Variants in KANTR observed in about 807,000 individuals in gnomAD.
KANTR encodes the protein KDM5C adjacent transcript.
At chrX:53,129,849 A>AATTTATTTATTTATTTATTTATTT (rs59141550), downstream of KANTR, among the ~76,000 whole-genome samples, 3 of 99,011 alleles carry the variant, frequency 3.0e-5, no homozygotes, top group African/African-American at 1.1e-4. Flanking sequence ...TCTCCTTACA[A>AATTTATTTATTTATTTATTTATTT]ATTTATTTAT....
intron 2 of KANTR, among the ~76,000 whole-genome samples, chrX:53,136,505 T>C (rs1421250428): frequency 1.0e-5 from 1 of 96,007 alleles, no homozygotes. Context: ...CCCAAAGTGC[T>C]GGGATTACAG....
At chrX:53,100,527 C>T (rs908705231) in intron 2 of KANTR, among the ~76,000 whole-genome samples, 10 of 108,227 alleles carry the variant, frequency 9.2e-5, no homozygotes, top group African/African-American at 3.4e-4. Context: ...TGGCCGGGTG[C>T]GGTGGCTCAC....
intron 2 of KANTR, among the ~76,000 whole-genome samples, chrX:53,119,643 T>C (rs1211044318): frequency 8.9e-6 from 1 of 112,355 alleles, no homozygotes. Context: ...TAAATCTTGA[T>C]ATTTGATAAA....
Position 53,119,943 on chromosome X carries a change from G to A in KANTR, c.-804-3526G>A, listed in dbSNP as rs782567226. 1.5e-4 allele frequency among the ~76,000 whole-genome samples: 17 copies of A among 111,090 alleles called. No homozygotes were observed. In the South Asian group the frequency reaches 4.9e-3, roughly 32 times the overall value. ...CATGTTAACCAGGCTGTTCTCGAACGCCTGCGCTCAAGCAATCCACCCACC... is the reference window on the plus strand; with the variant it reads ...CATGTTAACCAGGCTGTTCTCGAACACCTGCGCTCAAGCAATCCACCCACC... On this transcript the variant is annotated intron_variant, in intron 2 of 2. Transcript: ENST00000604062.
In KANTR at chrX:53,125,371, A is replaced by T. The variant is rs782184081; in HGVS notation, c.*868A>T. ...ATCTGATTATCTCTTTTGGTTGGCA[A>T]GTTTAGTCTGTTTACATTTACTGTG... On this transcript the variant is annotated 3_prime_UTR_variant, in exon 3 of 3. Coordinates refer to ENST00000604062, the Ensembl canonical transcript of KANTR. 5 of 111,399 alleles carry T rather than the reference A, an allele frequency of 4.5e-5. No homozygotes were observed. The East Asian group carries it at 1.4e-3, about 31-fold the overall frequency. 9.2% of individuals were successfully genotyped at this position (111,399 alleles called of 1,213,427 possible).
chrX:53,139,593 A>G (rs1248098428), intron 2 of KANTR, among the ~76,000 whole-genome samples: 3 of 112,295 alleles, frequency 2.7e-5, no homozygotes, highest in African/African-American at 6.5e-5. Context: ...CTGAAGCAGG[A>G]GGATTGCTTG....
downstream of KANTR, among the ~76,000 whole-genome samples, chrX:53,145,812 A>G (rs1330650372): frequency 8.9e-6 from 1 of 112,043 alleles, no homozygotes; most frequent in Non-Finnish European, 1.9e-5. Flanking sequence ...TTCCAGAGGA[A>G]TGATCAGGCA....
chrX:53,110,822 C>T (rs1334163061), intron 2 of KANTR, among the ~76,000 whole-genome samples: 2 of 107,979 alleles, frequency 1.9e-5, no homozygotes, highest in Middle Eastern at 4.3e-3. Context: ...ACTCAGGAGG[C>T]TGAGGCAGGA....
chrX:53,135,536 C>T (rs1933410971), intron 2 of KANTR, among the ~76,000 whole-genome samples: 1 of 112,309 alleles, frequency 8.9e-6, no homozygotes, highest in South Asian at 3.7e-4. Context: ...TGTTAGTTAG[C>T]TCTTATTGTA....
chrX:53,108,294 C>T (rs782254247), intron 2 of KANTR, among the ~76,000 whole-genome samples: 8 of 109,017 alleles, frequency 7.3e-5, no homozygotes, highest in South Asian at 8.2e-4. Context: ...CTCCACCTCC[C>T]GGGTTCAAGC....
chrX:53,143,475 G>T, downstream of KANTR: 1 of 591,414 alleles, frequency 1.7e-6, no homozygotes, highest in Non-Finnish European at 3.0e-6. Flanking sequence ...CCAGTGATGC[G>T]CCCAGAGGCT....
chrX:53,110,007 G>C (rs984146735), intron 2 of KANTR, among the ~76,000 whole-genome samples: 1 of 111,528 alleles, frequency 9.0e-6, no homozygotes, highest in Non-Finnish European at 1.9e-5. Context: ...TGCCAGCCCC[G>C]GCCTCCCAAA....
chrX:53,133,177 G>A (rs958998071), intron 2 of KANTR, among the ~76,000 whole-genome samples: 3 of 109,370 alleles, frequency 2.7e-5, no homozygotes, highest in African/African-American at 1.0e-4. Context: ...GTTCCAGCCC[G>A]AGCAACATAG....
intron 2 of KANTR, among the ~76,000 whole-genome samples, chrX:53,109,150 T>C (rs1454365918): frequency 1.8e-5 from 2 of 112,637 alleles, no homozygotes; most frequent in Non-Finnish European, 3.7e-5. Context: ...TTTTTCCAAT[T>C]CATGACCACA....
At chrX:53,125,483 G>A (rs1933282864) in exon 3 of KANTR, 1 of 109,163 alleles carries the variant, frequency 9.2e-6, no homozygotes, top group East Asian at 2.8e-4. Flanking sequence ...CTCTTTTCTC[G>A]CCTGCTTTTT....
chrX:53,101,241 T>A (rs782747053), intron 2 of KANTR, among the ~76,000 whole-genome samples: 4 of 112,964 alleles, frequency 3.5e-5, no homozygotes, highest in South Asian at 7.1e-4. Context: ...AAGCCTAGCC[T>A]TCGGCCTCTC....
intron 2 of KANTR, among the ~76,000 whole-genome samples, chrX:53,121,640 A>T (rs1165298639): frequency 2.8e-5 from 3 of 107,243 alleles, no homozygotes; most frequent in Non-Finnish European, 5.8e-5. Context: ...TTTTTTTCCC[A>T]GAAGTCCATT....
chrX:53,108,125 A>G (rs2146725430), intron 2 of KANTR, among the ~76,000 whole-genome samples: 3 of 109,019 alleles, frequency 2.8e-5, no homozygotes, highest in African/African-American at 1.0e-4. Context: ...TCCTGACCTC[A>G]TGATCTGCCC....
chrX:53,118,012 A>G (rs1370112769), intron 2 of KANTR, among the ~76,000 whole-genome samples: 3 of 112,094 alleles, frequency 2.7e-5, no homozygotes, highest in Non-Finnish European at 3.8e-5. Flanking sequence ...TTTGTTTACA[A>G]TATTCCCTTG....
Sources: allele counts gnomAD v4.1 joint callset (sites outside exome capture counted in the v4.1 genomes callset), GRCh38; gene constraint gnomAD v4.1.1; transcripts MANE v1.5; gene names NCBI Gene and HGNC (gene_info 2026-07-23, HGNC 2026-07-21).